The following PLIN2 variants were observed in gnomAD, a reference collection of about 807,000 sequenced individuals.
The protein encoded by PLIN2 is perilipin-2.
PLIN2 carries 33 observed loss-of-function variants against 30.6 expected under a neutral mutation model. The ratio of observed to expected loss-of-function variants is 1.08; its 90% CI spans 0.82 to 1.44. The LOEUF is 1.44. Among genes scored for constraint, PLIN2 ranks in the 40% most tolerant of loss-of-function variants. The pLI is 0.00. For synonymous variants in PLIN2, 205 were observed against 201.1 expected (o/e 1.02, Z -0.16); for missense variants, 610 against 531.8 (o/e 1.15, Z -1.45).
Position 19,120,861 on chromosome 9 carries a change from A to G in PLIN2, c.595+19T>C, listed in dbSNP as rs746213143. On this transcript the variant is annotated intron_variant, in intron 5 of 7. Transcript: ENST00000276914. Reference sequence around the variant, plus strand: ...AAGATTTAATATAAAACAGTATTTCAAGATAAAATTCCAGTTACCTAGTTC... The same window carrying G: ...AAGATTTAATATAAAACAGTATTTCGAGATAAAATTCCAGTTACCTAGTTC... 1.3e-6 allele frequency: 2 copies of G among 1,587,232 alleles called. No individual in the cohort carries two copies. The highest frequency in any genetic ancestry group is 2.2e-5 in the South Asian group (2 of 90,470).
At chr9:19,119,420 AAGAG>A (rs1333086975) in intron 6 of PLIN2, among the ~76,000 whole-genome samples, 1 of 152,226 alleles carries the variant, frequency 6.6e-6, no homozygotes, top group African/African-American at 2.4e-5. Flanking sequence ...GTGGCAGGAC[AAGAG>A]AGATGTCAGT....
Position 19,121,045 on chromosome 9 carries a change from C to A in PLIN2, c.430G>T (p.Ala144Ser). Reference sequence around the variant, plus strand: ...GTCTTCTCCACACTGCCAGTCACTGCCCCTTTGGTCTTGTCCATCACCCCT... The same window carrying A: ...GTCTTCTCCACACTGCCAGTCACTGACCCTTTGGTCTTGTCCATCACCCCT... ...ITGVMDKTKG[A>S]VTGSVEKTKS... Residue 144 changes from alanine (A) to serine (S), a missense_variant, in exon 5 of 8, where the codon GCA (alanine) becomes TCA (serine). Transcript: ENST00000276914. 1.9e-6 allele frequency: 3 copies of A among 1,614,198 alleles called. No individual in the cohort carries two copies. The highest frequency in any genetic ancestry group is 2.5e-6 in the Non-Finnish European group (3 of 1,180,030).
rs151306072 is a variant in PLIN2 at position 19,116,599 on chromosome 9, G to C, written c.963C>G (p.Leu321=). 150 of 1,614,074 alleles carry C rather than the reference G, an allele frequency of 9.3e-5. 1 individual carries two copies. The African/African-American group carries it at 1.7e-3, about 18-fold the overall frequency. ...LAIARNLTQQ[L]QTTCHTLLSN... The stretch of plus-strand genomic sequence containing the variant: ...ACAGGAGGGTGTGGCACGTGGTCTG[G>C]AGCTGCTGAGTCAGGTTGCGGGCAA... Residue 321 remains leucine, a synonymous_variant, in exon 8 of 8, where the codon CTC becomes CTG. Coordinates refer to ENST00000276914, the MANE Select transcript of PLIN2 (RefSeq NM_001122.4).
At chr9:19,120,644 A>T (rs1430060169) in intron 5 of PLIN2, among the ~76,000 whole-genome samples, 1 of 152,124 alleles carries the variant, frequency 6.6e-6, no homozygotes, top group African/African-American at 2.4e-5. Flanking sequence ...CAGGAGTTCG[A>T]GATCAGCCTG....
chr9:19,116,352 G>GAC lies in PLIN2; in HGVS notation c.1208_1209dup (p.Pro404ValfsTer7). 6.2e-7 allele frequency: 1 copy of GAC among 1,614,138 alleles called. No individual in the cohort carries two copies. Among genetic ancestry groups the GAC allele is most frequent in the Non-Finnish European group, 8.5e-7 (1 of 1,180,012 alleles). ...GACTCAGTCAGCTGAGGATAAAAGG[G>GAC]ACCTACCAGCCAGTTGAGGGGCGTG... On this transcript the variant is annotated frameshift_variant, in exon 8 of 8. Transcript: ENST00000276914. LOFTEE classifies it low-confidence loss of function (END_TRUNC).
At chr9:19,118,705 A>G (rs111687511) in intron 6 of PLIN2, among the ~76,000 whole-genome samples, 3 of 152,270 alleles carry the variant, frequency 2.0e-5, no homozygotes, top group African/African-American at 7.2e-5. Flanking sequence ...AGCACAGGTA[A>G]AGCAACTAAA....
chr9:19,125,555 G>C (rs1818382593), intron 3 of PLIN2: 1 of 152,542 alleles, frequency 6.6e-6, no homozygotes, highest in Non-Finnish European at 1.5e-5. Flanking sequence ...CAAAGTGCTA[G>C]GATTACAGGT....
At chr9:19,113,779 T>G (rs1006163003), downstream of PLIN2, among the ~76,000 whole-genome samples, 8 of 149,944 alleles carry the variant, frequency 5.3e-5, no homozygotes, top group South Asian at 4.2e-4. Flanking sequence ...TTTTGGTTTT[T>G]TTTTTTTTTT....
rs1451402501 is a variant in PLIN2, at chr9:19,121,156, T to G, written c.319A>C (p.Asn107His). The G allele has an allele frequency of 6.2e-7, 1 of 1,613,746 alleles. No homozygotes were observed. Among genetic ancestry groups the G allele is most frequent in the Non-Finnish European group, 8.5e-7 (1 of 1,179,876 alleles). The change falls in exon 5 of 8, where the codon AAT (asparagine) becomes CAT (histidine). Residue 107 changes from asparagine (N) to histidine (H), a missense_variant. By Grantham distance (68) the Asn-to-His change is moderately conservative. Transcript: ENST00000276914. ...GCCCCAGTCACAGCGCCTTTGGCATTGGCAACAATCTGTAAGTAGAAAAGC... is the reference window on the plus strand; with the variant it reads ...GCCCCAGTCACAGCGCCTTTGGCATGGGCAACAATCTGTAAGTAGAAAAGC... ...LNQPSTQIVA[N>H]AKGAVTGAKD...
rs139448474 is a variant in PLIN2 at position 19,118,221 on chromosome 9, TAG to T, written c.912+98_912+99del. On this transcript the variant is annotated intron_variant, in intron 7 of 7. Transcript: ENST00000276914. ...TACATGGTATTGTTCAACCTTTTGA[TAG>T]AGAAGAGTATTCTAAGACATAGTAT... is the stretch of plus-strand genomic sequence containing the variant. 2.9e-3 allele frequency: 3,395 copies of T among 1,183,150 alleles called. 12 individuals are homozygous for T. The highest frequency in any genetic ancestry group is 3.6e-3 in the Non-Finnish European group (3,076 of 843,102). The allele number at this position is 1,183,150 out of a possible 1,614,324, so 73.3% of individuals were successfully genotyped here.
intron 7 of PLIN2, among the ~76,000 whole-genome samples, chr9:19,117,775 G>C (rs369779617): frequency 4.6e-5 from 7 of 152,106 alleles, no homozygotes; most frequent in African/African-American, 1.7e-4. Flanking sequence ...GTGCCACCAT[G>C]CCTGGCTCAT....
At chr9:19,108,981 T>G (rs1011718243) in intron 2 of PLIN2, among the ~76,000 whole-genome samples, 9 of 152,226 alleles carry the variant, frequency 5.9e-5, no homozygotes, top group African/African-American at 1.7e-4. Flanking sequence ...AATGAAGCTT[T>G]TTTAAAAAAT....
intron 2 of PLIN2, among the ~76,000 whole-genome samples, chr9:19,109,397 A>G (rs1269191528): frequency 4.6e-5 from 7 of 151,934 alleles, no homozygotes; most frequent in Non-Finnish European, 8.8e-5. Flanking sequence ...TACTAAAAAT[A>G]CAAAAAGTTA....
intron 3 of PLIN2, among the ~76,000 whole-genome samples, chr9:19,124,878 T>C (rs945145296): frequency 2.0e-5 from 3 of 152,206 alleles, no homozygotes; most frequent in Non-Finnish European, 2.9e-5. Context: ...GACAGTAAAT[T>C]ACTATTCAAC....
intron 2 of PLIN2, among the ~76,000 whole-genome samples, chr9:19,109,847 T>C (rs1588638831): frequency 6.6e-6 from 1 of 151,552 alleles, no homozygotes; most frequent in African/African-American, 2.4e-5. Flanking sequence ...TCCCAGCTAC[T>C]CGGGAGGCTG....
At chr9:19,116,815 T>A (rs975175101) in intron 7 of PLIN2, among the ~76,000 whole-genome samples, 166 bp from the exon 8 acceptor site, 2 of 152,130 alleles carry the variant, frequency 1.3e-5, no homozygotes, top group African/African-American at 2.4e-5. Context: ...TTCATAGATA[T>A]GAATATAAGC....
chr9:19,123,324 C>G, intron 4 of PLIN2: 1 of 1,542,262 alleles, frequency 6.5e-7, no homozygotes, highest in Non-Finnish European at 8.8e-7. Context: ...AAGACACAAA[C>G]TGATAGACAA....
At position 19,121,083 on chromosome 9, in the gene PLIN2, G is replaced by A; in HGVS notation, c.392C>T (p.Ala131Val). 6.2e-7 allele frequency: 1 copy of A among 1,614,006 alleles called. No homozygotes were observed. The highest frequency in any genetic ancestry group is 2.2e-5 in the East Asian group (1 of 44,890). Residue 131 changes from alanine (A) to valine (V), a missense_variant, in exon 5 of 8, where the codon GCC (alanine) becomes GTC (valine). By Grantham distance (64) the Ala-to-Val change is moderately conservative. Coordinates refer to ENST00000276914, the MANE Select transcript of PLIN2 (RefSeq NM_001122.4). ...TTVTGAKDSVASTITGVMDKT... is the reference protein window; with the variant it reads ...TTVTGAKDSVVSTITGVMDKT... ...GTCCATCACCCCTGTGATCGTGCTG[G>A]CCACAGAATCCTTGGCCCCAGTCAC...
At position 19,126,283 on chromosome 9, in the gene PLIN2, C is replaced by T. The variant is rs2228416; in HGVS notation, c.57G>A (p.Leu19=). 0.041 allele frequency: 66,519 copies of T among 1,613,772 alleles called. 3,456 individuals are homozygous for T. The highest frequency in any genetic ancestry group is 0.24 in the African/African-American group (17,758 of 74,898). ...QPSVVTRVVN[L]PLVSSTYDLM... The stretch of plus-strand genomic sequence containing the variant: ...GGTCATACGTGGAGCTCACCAAGGG[C>T]AGGTTGACCACCCGAGTCACCACAC... Residue 19 remains leucine (L), a synonymous_variant, in exon 3 of 8, where the codon CTG becomes CTA. Coordinates refer to ENST00000276914, the MANE Select transcript of PLIN2 (RefSeq NM_001122.4).
Sources: allele counts gnomAD v4.1 joint callset (sites outside exome capture counted in the v4.1 genomes callset), GRCh38; gene constraint gnomAD v4.1.1; transcripts MANE v1.5; gene names NCBI Gene and HGNC (gene_info 2026-07-23, HGNC 2026-07-21).